Variants in MINDY4 observed in about 807,000 individuals in gnomAD.
The protein encoded by MINDY4 is MINDY lysine 48 deubiquitinase 4.
A neutral mutation model predicts 87.0 loss-of-function variants in MINDY4; 68 were observed. The ratio of observed to expected loss-of-function variants is 0.78; its 90% confidence interval spans 0.64 to 0.96. The LOEUF (loss-of-function observed/expected upper bound fraction) is 0.96, where lower values mean the gene tolerates loss of function less well. MINDY4 is among the 40% of genes least tolerant of loss of function. The pLI is 0.00. For missense variants in MINDY4, 919 were observed against 928.2 expected (o/e 0.99, Z 0.13); for synonymous variants, 379 against 363.2 (o/e 1.04, Z -0.50).
In MINDY4 at chr7:30,813,329, G is replaced by T. The variant is rs544533178; in HGVS notation, c.1074-15350G>T. ...AGGATCTGGGAGGGAAACTTGCCCT[G>T]TGTTAAAGTGTTCAATCCCCAGGTC... is the stretch of plus-strand genomic sequence containing the variant. On this transcript the variant is annotated intron_variant, in intron 5 of 17. Transcript: ENST00000265299. Among the ~76,000 whole-genome samples the T allele has an allele frequency of 2.0e-5, 3 of 152,286 alleles. No homozygotes were observed. The South Asian group carries it at 6.2e-4, about 32-fold the overall frequency.
intron 10 of MINDY4, 118 bp from the exon 11 acceptor site, chr7:30,852,098 T>C: frequency 5.9e-6 from 7 of 1,180,220 alleles, no homozygotes; most frequent in Non-Finnish European, 8.4e-6. Context: ...GGCTCCATTT[T>C]CTCTCTGGAG....
intron 1 of MINDY4, among the ~76,000 whole-genome samples, chr7:30,772,889 A>T (rs899350596): frequency 5.9e-5 from 9 of 152,130 alleles, no homozygotes; most frequent in African/African-American, 2.2e-4. Flanking sequence ...AGTACAAATG[A>T]AATCCAGTGT....
intron 14 of MINDY4, 135 bp from the exon 15 acceptor site, chr7:30,875,360 C>A: frequency 2.0e-6 from 2 of 978,830 alleles, no homozygotes; most frequent in Non-Finnish European, 3.2e-6. Context: ...AAGTCACAGC[C>A]TCCTCTGCTC....
chr7:30,821,249 C>T (rs1326013557), intron 5 of MINDY4, among the ~76,000 whole-genome samples: 1 of 152,058 alleles, frequency 6.6e-6, no homozygotes, highest in Non-Finnish European at 1.5e-5. Context: ...TAAATGCTTG[C>T]CGATTTCTTT....
intron 6 of MINDY4, among the ~76,000 whole-genome samples, chr7:30,834,830 C>T (rs74970048): frequency 0.016 from 2,367 of 152,280 alleles, 68 homozygotes; most frequent in African/African-American, 0.054. Context: ...AGGGCAGAGG[C>T]AAAATGCTGC....
chr7:30,841,117 C>T (rs1789021212), intron 9 of MINDY4, among the ~76,000 whole-genome samples: 1 of 152,132 alleles, frequency 6.6e-6, no homozygotes, highest in East Asian at 1.9e-4. Flanking sequence ...ACCAATTTCC[C>T]TCCTCAGACG....
At chr7:30,845,716 T>A (rs189803492) in intron 9 of MINDY4, among the ~76,000 whole-genome samples, 5,393 of 151,994 alleles carry the variant, frequency 0.035, 142 homozygotes, top group East Asian at 0.11. Context: ...GCCCACCACA[T>A]CTGGTGGGGA....
intron 13 of MINDY4, among the ~76,000 whole-genome samples, chr7:30,871,792 A>G (rs948869759): frequency 2.0e-5 from 3 of 152,218 alleles, no homozygotes; most frequent in South Asian, 2.1e-4. Context: ...CTGTTACTCT[A>G]TAACTCAAGG....
At chr7:30,881,137 G>C (rs1790453173) in intron 15 of MINDY4, among the ~76,000 whole-genome samples, 1 of 152,190 alleles carries the variant, frequency 6.6e-6, no homozygotes, top group Non-Finnish European at 1.5e-5. Context: ...CTGGCCCGTG[G>C]CACGTACATA....
intron 14 of MINDY4, among the ~76,000 whole-genome samples, chr7:30,874,302 G>A (rs1790196390): frequency 6.6e-6 from 1 of 152,262 alleles, no homozygotes; most frequent in African/African-American, 2.4e-5. Flanking sequence ...CAGGCAGATA[G>A]TACCATGAAA....
intron 5 of MINDY4, among the ~76,000 whole-genome samples, chr7:30,794,952 G>A (rs887283773): frequency 2.0e-5 from 3 of 152,182 alleles, no homozygotes; most frequent in Non-Finnish European, 4.4e-5. Context: ...AGACCCTCAG[G>A]AAACTTCAGA....
chr7:30,778,249 T>G (rs573905175), intron 1 of MINDY4, among the ~76,000 whole-genome samples, 183 bp from the exon 2 acceptor site: 1 of 152,352 alleles, frequency 6.6e-6, no homozygotes, highest in East Asian at 1.9e-4. Context: ...ACTTCAGCCT[T>G]CACTTAGCCC....
At chr7:30,863,796 T>C (rs2128575651) in intron 13 of MINDY4, among the ~76,000 whole-genome samples, 1 of 152,374 alleles carries the variant, frequency 6.6e-6, no homozygotes, top group Non-Finnish European at 1.5e-5. Context: ...TTTTTTCCAC[T>C]TGATTTCAAG....
intron 15 of MINDY4, among the ~76,000 whole-genome samples, chr7:30,879,539 T>C (rs777501235): frequency 9.2e-5 from 14 of 152,194 alleles, no homozygotes; most frequent in Non-Finnish European, 1.6e-4. Flanking sequence ...TGCCTTCCTC[T>C]CCCACCTCAG....
At position 30,853,892 on chromosome 7, in the gene MINDY4, G is replaced by A. The variant is rs560206050; in HGVS notation, c.1677+433G>A. 3.3e-5 allele frequency among the ~76,000 whole-genome samples: 5 copies of A among 152,342 alleles called. No individual in the cohort carries two copies. In the South Asian group the frequency reaches 1.0e-3, roughly 32 times the overall value. On this transcript the variant is annotated intron_variant, in intron 12 of 17. Transcript: ENST00000265299. ...AGGTAACCAGAAAGCGGCTTCTTGG[G>A]TGGGTTGGAGGGCTTAGCAGTGTGA...
At chr7:30,776,554 T>C (rs1344448087) in intron 1 of MINDY4, among the ~76,000 whole-genome samples, 1 of 152,236 alleles carries the variant, frequency 6.6e-6, no homozygotes, top group Non-Finnish European at 1.5e-5. Context: ...GCAAGCTCCC[T>C]GAGGACTGGG....
intron 9 of MINDY4, among the ~76,000 whole-genome samples, chr7:30,843,827 G>A (rs1204726336): frequency 1.3e-5 from 2 of 152,204 alleles, no homozygotes; most frequent in Admixed American, 6.5e-5. Flanking sequence ...CTGGGGCTGT[G>A]GGGGTGGGCA....
chr7:30,875,771 G>A, intron 15 of MINDY4, 115 bp downstream of exon 15: 1 of 1,218,114 alleles, frequency 8.2e-7, no homozygotes. Context: ...TGAAATTCGG[G>A]TCCAGTTAGA....
chr7:30,885,507 C>T (rs770324936), intron 17 of MINDY4, among the ~76,000 whole-genome samples: 7 of 152,100 alleles, frequency 4.6e-5, no homozygotes, highest in Non-Finnish European at 8.8e-5. Flanking sequence ...AGGGAAACTC[C>T]GTCTCAAAAA....
Sources: allele counts gnomAD v4.1 joint callset (sites outside exome capture counted in the v4.1 genomes callset), GRCh38; gene constraint gnomAD v4.1.1; transcripts MANE v1.5; gene names NCBI Gene and HGNC (gene_info 2026-07-23, HGNC 2026-07-21).